STK3: variants seen among roughly 807,000 people sequenced by gnomAD.
STK3 encodes the protein serine/threonine-protein kinase 3.
STK3 carries 41 observed loss-of-function variants against 58.0 expected under a neutral mutation model. The observed-to-expected ratio is 0.71, with a 90% CI of 0.55 to 0.92. STK3 has a LOEUF of 0.92. Ranked by LOEUF, STK3 falls within the 40% of genes least tolerant of loss-of-function variation. The probability of loss-of-function intolerance (pLI) is 0.00; values close to 1 mark genes in which losing one functional copy is unlikely to be tolerated. For synonymous variants in STK3, 170 were observed against 191.0 expected (o/e 0.89, Z 0.91); for missense variants, 479 against 602.7 (o/e 0.79, Z 2.15).
intron 10 of STK3, among the ~76,000 whole-genome samples, chr8:98,502,546 C>G (rs894788502): frequency 6.6e-6 from 1 of 152,108 alleles, no homozygotes; most frequent in Non-Finnish European, 1.5e-5. Context: ...GTAGGTTTGT[C>G]ATAAATAGCT....
intron 4 of STK3, among the ~76,000 whole-genome samples, chr8:98,743,870 A>G (rs1829435061): frequency 6.6e-6 from 1 of 152,194 alleles, no homozygotes; most frequent in South Asian, 2.1e-4. Context: ...ATCTACAATG[A>G]ACTCAAACAA....
intron 8 of STK3, among the ~76,000 whole-genome samples, chr8:98,555,523 A>T (rs982042884): frequency 1.3e-5 from 2 of 152,150 alleles, no homozygotes; most frequent in Non-Finnish European, 2.9e-5. Context: ...AATGACATTA[A>T]ACACTTCTTT....
At chr8:98,778,435 C>G (rs1049027680) in intron 1 of STK3, among the ~76,000 whole-genome samples, 5 of 151,858 alleles carry the variant, frequency 3.3e-5, no homozygotes, top group African/African-American at 7.3e-5. Context: ...GTTGGTGGGA[C>G]TGTAAACTAG....
At chr8:98,430,837 T>A (rs1375290774) in intron 3 of STK3, 1 of 167,080 alleles carries the variant, frequency 6.0e-6, no homozygotes, top group African/African-American at 2.4e-5. Context: ...TTAATGCTAT[T>A]CAAAAGACCT....
intron 3 of STK3, among the ~76,000 whole-genome samples, chr8:98,422,509 C>T (rs999871956): frequency 4.6e-5 from 7 of 152,322 alleles, no homozygotes; most frequent in East Asian, 1.9e-4. Flanking sequence ...AACATCAAAA[C>T]GGCTCAAGAG....
intron 1 of STK3, among the ~76,000 whole-genome samples, chr8:98,926,742 C>T (rs1839814461): frequency 6.6e-6 from 1 of 152,144 alleles, no homozygotes; most frequent in Non-Finnish European, 1.5e-5. Flanking sequence ...GGCCAAAGCA[C>T]ATTGGGATTT....
intron 1 of STK3, chr8:98,439,087 T>C (rs1176496538): frequency 1.3e-5 from 2 of 152,232 alleles, no homozygotes; most frequent in African/African-American, 4.8e-5. Context: ...TCTCACTGCA[T>C]CCAATGCTTT....
chr8:98,470,630 A>C (rs937733173), intron 10 of STK3, among the ~76,000 whole-genome samples: 1 of 152,166 alleles, frequency 6.6e-6, no homozygotes, highest in Non-Finnish European at 1.5e-5. Context: ...GCTATTTTTT[A>C]ATTTTTCAAT....
At chr8:98,610,862 C>T (rs982968044) in intron 6 of STK3, among the ~76,000 whole-genome samples, 8 of 152,116 alleles carry the variant, frequency 5.3e-5, no homozygotes, top group Admixed American at 3.3e-4. Flanking sequence ...CATCCTGATT[C>T]GAGTTAAAAT....
intron 1 of STK3, among the ~76,000 whole-genome samples, chr8:98,795,996 A>T (rs1468489246): frequency 6.6e-6 from 1 of 151,810 alleles, no homozygotes; most frequent in Non-Finnish European, 1.5e-5. Flanking sequence ...AAAAATCAAT[A>T]TCATTAAAAA....
chr8:98,501,788 T>A (rs1197578638), intron 10 of STK3, among the ~76,000 whole-genome samples: 1 of 152,270 alleles, frequency 6.6e-6, no homozygotes. Context: ...ACTGGTACCA[T>A]GCTGTTTCAG....
chr8:98,755,107 C>T (rs1209416862), intron 3 of STK3, among the ~76,000 whole-genome samples: 5 of 152,182 alleles, frequency 3.3e-5, no homozygotes, highest in Admixed American at 2.6e-4. Context: ...CTAACACCCA[C>T]GTAAGTAGAT....
In STK3 at chr8:98,822,504, T is replaced by G. The variant is rs1478873709; in HGVS notation, c.26+3011A>C. Among the ~76,000 whole-genome samples the G allele has an allele frequency of 2.0e-5, 3 of 152,088 alleles. No individual in the cohort carries two copies. In the South Asian group the frequency reaches 6.2e-4, roughly 32 times the overall value. On this transcript the variant is annotated intron_variant, in intron 1 of 10. Transcript: ENST00000419617. Reference sequence around the variant, plus strand: ...CATTATCTTCTGGATATCTAAAATTTTGTAATAAAATAGAATAAAAAGATG... The same window carrying G: ...CATTATCTTCTGGATATCTAAAATTGTGTAATAAAATAGAATAAAAAGATG...
At chr8:98,531,323 C>A (rs1024731573) in intron 9 of STK3, among the ~76,000 whole-genome samples, 2 of 152,204 alleles carry the variant, frequency 1.3e-5, no homozygotes, top group Admixed American at 1.3e-4. Flanking sequence ...ATGAAAACAA[C>A]ATTAATTTCC....
intron 9 of STK3, among the ~76,000 whole-genome samples, chr8:98,531,460 AGTGCAAACAAAT>A: frequency 6.6e-6 from 1 of 152,222 alleles, no homozygotes; most frequent in Non-Finnish European, 1.5e-5. Flanking sequence ...AGCAAACCAT[AGTGCAAACAAAT>A]GTGCTGCCAT....
At chr8:98,434,070 A>C (rs1255143861) in intron 3 of STK3, 3 of 152,218 alleles carry the variant, frequency 2.0e-5, no homozygotes, top group Non-Finnish European at 2.9e-5. Context: ...ATTGGGCCCC[A>C]GAAGGGGCCC....
At position 98,893,494 on chromosome 8, in the gene STK3, A is replaced by AAG. The variant is rs1474198764; in HGVS notation, c.-78-9662_-78-9661dup. 6.4e-4 allele frequency among the ~76,000 whole-genome samples: 75 copies of AAG among 117,066 alleles called. 1 individual carries two copies. Among genetic ancestry groups the AAG allele is most frequent in the Non-Finnish European group, 1.1e-3 (55 of 50,966 alleles). 76.8% of individuals were successfully genotyped at this position (117,066 alleles called of 152,430 possible). ...AGAAAGAAAGAAAGAAAGAGAAAGA[A>AAG]AGAAAGAAAGAAAGAAAGAAAGAAA... On this transcript the variant is annotated intron_variant, in intron 1 of 1. Coordinates refer to the STK3 transcript ENST00000519420.
At chr8:98,386,259 T>G (rs1817790359) in intron 1 of STK3, among the ~76,000 whole-genome samples, 3 of 152,336 alleles carry the variant, frequency 2.0e-5, no homozygotes, top group South Asian at 4.1e-4. Context: ...TGAAGGGATA[T>G]GTGCACAAGA....
At chr8:98,932,200 G>T (rs1445244028) in intron 1 of STK3, among the ~76,000 whole-genome samples, 2 of 152,176 alleles carry the variant, frequency 1.3e-5, no homozygotes, top group Non-Finnish European at 2.9e-5. Flanking sequence ...AAAAATAAGA[G>T]AAAATACTAT....
Sources: gnomAD v4.1 joint callset for allele counts (sites outside exome capture counted in the v4.1 genomes callset) on GRCh38, gnomAD v4.1.1 for gene constraint, MANE v1.5 for transcripts, NCBI Gene and HGNC (gene_info 2026-07-23, HGNC 2026-07-21) for gene names.